TESPA1: variants seen among roughly 807,000 people sequenced by gnomAD.
The protein encoded by TESPA1 is thymocyte expressed, positive selection associated 1.
Under a neutral mutation model 57.9 loss-of-function variants are expected in TESPA1, and 33 were observed. The ratio of observed to expected loss-of-function variants is 0.57; its 90% confidence interval spans 0.43 to 0.76. The LOEUF is 0.76. Ranked by LOEUF, TESPA1 falls within the 30% of genes least tolerant of loss-of-function variation. TESPA1 has a pLI of 0.00. For missense variants in TESPA1, 618 were observed against 632.9 expected (o/e 0.98, Z 0.25); for synonymous variants, 227 against 228.9 (o/e 0.99, Z 0.07).
intron 3 of TESPA1, 161 bp from the exon 4 acceptor site, chr12:54,968,053 T>C: frequency 2.6e-6 from 4 of 1,513,612 alleles, no homozygotes; most frequent in Non-Finnish European, 3.5e-6. Flanking sequence ...TGGTTACTTG[T>C]CTGAAAAATT....
intron 10 of TESPA1, among the ~76,000 whole-genome samples, chr12:54,951,883 A>G (rs1216882027): frequency 6.7e-6 from 1 of 150,266 alleles, no homozygotes; most frequent in Non-Finnish European, 1.5e-5. Flanking sequence ...CTGATTCTGC[A>G]TACTTTCTTG....
intron 1 of TESPA1, among the ~76,000 whole-genome samples, chr12:54,975,790 A>T (rs1952114619): frequency 6.6e-6 from 1 of 152,258 alleles, no homozygotes; most frequent in Non-Finnish European, 1.5e-5. Flanking sequence ...CCAACAAAAT[A>T]GGCATTAAAA....
In TESPA1 at chr12:54,958,219, A is replaced by C. The variant is rs78459213; in HGVS notation, c.*1+2949T>G. Among the ~76,000 whole-genome samples the C allele has an allele frequency of 5.3e-5, 8 of 152,310 alleles. No individual in the cohort carries two copies. In the East Asian group the frequency reaches 1.5e-3, roughly 29 times the overall value. On this transcript the variant is annotated intron_variant, in intron 10 of 10. Transcript: ENST00000449076. ...CTGCACACAGCCTGCTTTGTGGAACATCTTGGCATTTTTTTTCTTGTGCAA... is the reference window on the plus strand; with the variant it reads ...CTGCACACAGCCTGCTTTGTGGAACCTCTTGGCATTTTTTTTCTTGTGCAA...
chr12:54,962,816 A>C lies in TESPA1; in HGVS notation c.1082T>G (p.Val361Gly). Residue 361 changes from valine (V) to glycine (G), a missense_variant, in exon 9 of 11, where the codon GTC (valine) becomes GGC (glycine). Coordinates refer to ENST00000449076, the MANE Select transcript of TESPA1 (RefSeq NM_001136030.3). ...KKLPTSPYPC[V>G]FCCEEETQQR... ...CTGTGTTTCCTCTTCACAGCAGAAG[A>C]CACATGGATAGGGAGAAGTGGGCAA... is the stretch of plus-strand genomic sequence containing the variant. The C allele has an allele frequency of 3.1e-6, 5 of 1,613,930 alleles. No individual in the cohort carries two copies. The highest frequency in any genetic ancestry group is 4.2e-6 in the Non-Finnish European group (5 of 1,179,862).
At chr12:54,967,408 T>A (rs575678706) in intron 4 of TESPA1, among the ~76,000 whole-genome samples, 172 bp from the exon 5 acceptor site, 1 of 150,656 alleles carries the variant, frequency 6.6e-6, no homozygotes, top group East Asian at 1.9e-4. Context: ...TGTACATATA[T>A]CACCTCAGAA....
chr12:54,952,640 C>A (rs559527404), intron 10 of TESPA1, among the ~76,000 whole-genome samples: 4 of 152,240 alleles, frequency 2.6e-5, no homozygotes, highest in African/African-American at 9.6e-5. Context: ...TCTAATATGG[C>A]AATCTGTTAA....
intron 10 of TESPA1, among the ~76,000 whole-genome samples, chr12:54,952,047 T>G (rs1035143159): frequency 1.3e-5 from 2 of 152,166 alleles, no homozygotes; most frequent in Non-Finnish European, 2.9e-5. Flanking sequence ...GCCATCGTGA[T>G]AGTATCAAGA....
At position 54,949,111 on chromosome 12, in the gene TESPA1, G is replaced by A. The variant is rs10876663; in HGVS notation, c.*1281C>T. On this transcript the variant is annotated 3_prime_UTR_variant, in exon 11 of 11. Transcript: ENST00000449076. ...AGTGGGGGGGCTTTTTCCAAATTGT[G>A]AAACTATCTTTTATCATGAAATAGG... 0.17 allele frequency: 26,138 copies of A among 151,966 alleles called. 3,413 individuals carry two copies. The highest frequency in any genetic ancestry group is 0.59 in the East Asian group (3,027 of 5,160). The allele number at this position is 151,966 out of a possible 1,614,324, so 9.4% of individuals were successfully genotyped here.
intron 1 of TESPA1, among the ~76,000 whole-genome samples, chr12:54,977,459 G>A (rs973121233): frequency 6.6e-6 from 1 of 152,178 alleles, no homozygotes; most frequent in Non-Finnish European, 1.5e-5. Flanking sequence ...TTTTATCCTA[G>A]AAGTTCCTAC....
In TESPA1 at chr12:54,967,823, T is replaced by TGGACA; in HGVS notation, c.256+15_256+19dup. Reference sequence around the variant, plus strand: ...ACTCTCCAGGTAGAAGAAAAATAGATGGACAGAACCTATACTCACCATTGT... The same window carrying TGGACA: ...ACTCTCCAGGTAGAAGAAAAATAGATGGACAGGACAGAACCTATACTCACCATTGT... On this transcript the variant is annotated intron_variant, in intron 4 of 10. Transcript: ENST00000449076. 1 of 1,613,298 alleles carries TGGACA rather than the reference T, an allele frequency of 6.2e-7. No individual in the cohort carries two copies. Among genetic ancestry groups the TGGACA allele is most frequent in the African/African-American group, 1.3e-5 (1 of 75,028 alleles).
Position 54,974,362 on chromosome 12 carries a change from C to G in TESPA1, c.163+38G>C, listed in dbSNP as rs1003359469. 6.6e-6 allele frequency: 10 copies of G among 1,526,278 alleles called. No homozygotes were observed. The African/African-American group carries it at 9.6e-5, about 15-fold the overall frequency. The allele number at this position is 1,526,278 out of a possible 1,614,324, so 94.5% of individuals were successfully genotyped here. Reference sequence around the variant, plus strand: ...TGGGCCTGCTGTCACCTTTTGCCGCCAGACAACATAGACGCCTGTCTGATG... The same window carrying G: ...TGGGCCTGCTGTCACCTTTTGCCGCGAGACAACATAGACGCCTGTCTGATG... On this transcript the variant is annotated intron_variant, in intron 2 of 10. Coordinates refer to ENST00000449076, the MANE Select transcript of TESPA1 (RefSeq NM_001136030.3).
rs534757897 is a variant in TESPA1, at chr12:54,954,621, C to T, written c.*2-4231G>A. Among the ~76,000 whole-genome samples the T allele has an allele frequency of 2.0e-5, 3 of 152,274 alleles. No homozygotes were observed. In the South Asian group the frequency reaches 6.2e-4, roughly 32 times the overall value. On this transcript the variant is annotated intron_variant, in intron 10 of 10. Coordinates refer to ENST00000449076, the MANE Select transcript of TESPA1 (RefSeq NM_001136030.3). ...GAGAAGAGGAGGTCCTGGCTTCATC[C>T]ACACCACTTTACACAGTCCTTCTGG... is the stretch of plus-strand genomic sequence containing the variant.
In TESPA1 at chr12:54,968,386, G is replaced by T. The variant is rs186107771; in HGVS notation, c.207-494C>A. On this transcript the variant is annotated intron_variant, in intron 3 of 10. Transcript: ENST00000449076. ...ATATCATGTCACTCAGGAAACAGCA[G>T]AAATTGTATCCTGGTTAGAGATATT... Among the ~76,000 whole-genome samples the T allele has an allele frequency of 1.2e-4, 18 of 152,308 alleles. 1 individual carries two copies. The highest frequency in any genetic ancestry group is 1.0e-3 in the Admixed American group (16 of 15,306).
intron 3 of TESPA1, among the ~76,000 whole-genome samples, chr12:54,970,733 T>A (rs1951780431): frequency 6.6e-6 from 1 of 152,212 alleles, no homozygotes; most frequent in Non-Finnish European, 1.5e-5. Context: ...TTAGCATCAT[T>A]TTAAGTCTCA....
chr12:54,967,571 C>T (rs914870915), intron 4 of TESPA1, among the ~76,000 whole-genome samples: 2 of 152,008 alleles, frequency 1.3e-5, no homozygotes, highest in African/African-American at 4.8e-5. Context: ...TTATAAAGTT[C>T]TTTTCCTATA....
At chr12:54,958,499 TGC>T (rs1294981344) in intron 10 of TESPA1, among the ~76,000 whole-genome samples, 1,586 of 151,606 alleles carry the variant, frequency 0.01, 15 homozygotes, top group East Asian at 0.028. Flanking sequence ...CGTTTTTTTG[TGC>T]GTGTGTTTAT....
chr12:54,964,077 T>G (rs1213917423), intron 7 of TESPA1, 127 bp from the exon 8 acceptor site: 2 of 990,002 alleles, frequency 2.0e-6, no homozygotes, highest in African/African-American at 3.3e-5. Flanking sequence ...TACTTTTCAC[T>G]GTGACTTTGA....
intron 10 of TESPA1, among the ~76,000 whole-genome samples, chr12:54,959,337 C>T (rs115367814): frequency 6.6e-6 from 1 of 152,190 alleles, no homozygotes; most frequent in African/African-American, 2.4e-5. Context: ...TTTTTGGTAT[C>T]TAGTTTCTCC....
In TESPA1 at chr12:54,962,916, G is replaced by T; in HGVS notation, c.982C>A (p.Gln328Lys). ...EVMDKVKEEKQFLQQDSDLGQ... is the reference protein window; with the variant it reads ...EVMDKVKEEKKFLQQDSDLGQ... The stretch of plus-strand genomic sequence containing the variant: ...AAATCAGAGTCTTGCTGGAGGAACT[G>T]CTTCTCTTCTTTCACTTTGTCCATC... The change falls in exon 9 of 11, where the codon CAG becomes AAG. Residue 328 changes from glutamine to lysine, a missense_variant. This residue lies in a region of TESPA1 where 409 missense variants were observed against 420.1 expected (regional missense o/e 0.97). Coordinates refer to ENST00000449076, the MANE Select transcript of TESPA1 (RefSeq NM_001136030.3). 1 of 1,613,672 alleles carries T rather than the reference G, an allele frequency of 6.2e-7. No homozygotes were observed. Among genetic ancestry groups the T allele is most frequent in the Non-Finnish European group, 8.5e-7 (1 of 1,179,818 alleles).
Sources: gnomAD v4.1 joint callset for allele counts (sites outside exome capture counted in the v4.1 genomes callset) on GRCh38, gnomAD v4.1.1 for gene constraint, gnomAD v4.1.1 regional missense constraint, MANE v1.5 for transcripts, NCBI Gene and HGNC (gene_info 2026-07-23, HGNC 2026-07-21) for gene names.